The following KCNG3 variants were observed in gnomAD, a reference collection of about 807,000 sequenced individuals.
The protein encoded by KCNG3 is voltage-gated potassium channel regulatory subunit KCNG3.
KCNG3 carries 15 observed loss-of-function variants against 29.0 expected under a neutral mutation model. The ratio of observed to expected loss-of-function variants is 0.52; its 90% CI spans 0.35 to 0.80. The LOEUF is 0.80. Ranked by LOEUF, KCNG3 falls within the 30% of genes least tolerant of loss-of-function variation. The pLI, the probability that KCNG3 is intolerant of heterozygous loss-of-function variation, is 0.01. For missense variants in KCNG3, 512 were observed against 605.7 expected (o/e 0.85, Z 1.62); for synonymous variants, 322 against 248.9 (o/e 1.29, Z -2.76).
intron 1 of KCNG3, chr2:42,463,272 T>A (rs11693504): frequency 2.1e-5 from 5 of 234,162 alleles, no homozygotes; most frequent in Non-Finnish European, 3.4e-5. Context: ...CAGGCTAGGG[T>A]TGTACACTTT....
chr2:42,434,750 G>A, the KCNG3 span, among the ~76,000 whole-genome samples: 1 of 143,058 alleles, frequency 7.0e-6, no homozygotes, highest in Non-Finnish European at 1.5e-5. Context: ...ACAATCTTTT[G>A]TTCTGGCATA....
At chr2:42,478,594 T>C (rs1450092048) in intron 1 of KCNG3, among the ~76,000 whole-genome samples, 1 of 151,984 alleles carries the variant, frequency 6.6e-6, no homozygotes, top group Non-Finnish European at 1.5e-5. Flanking sequence ...GTGGAGGATA[T>C]AAAAACTAAC....
intron 1 of KCNG3, among the ~76,000 whole-genome samples, chr2:42,458,527 T>A (rs1158258312): frequency 6.6e-6 from 1 of 151,776 alleles, no homozygotes; most frequent in Non-Finnish European, 1.5e-5. Context: ...CCTGTCCTGC[T>A]AAGACAGGGG....
rs200511820 is a variant in KCNG3, at chr2:42,493,412, G to A, written c.90C>T (p.Phe30=). The A allele has an allele frequency of 1.1e-3, 1,633 of 1,514,678 alleles. 15 individuals are homozygous for A. In the African/African-American group the frequency reaches 0.018, roughly 16 times the overall value. 93.8% of individuals were successfully genotyped at this position (1,514,678 alleles called of 1,614,324 possible). The change falls in exon 1 of 2, where the codon TTC becomes TTT. Residue 30 remains phenylalanine (F), a synonymous_variant. Coordinates refer to ENST00000306078, the MANE Select transcript of KCNG3 (RefSeq NM_133329.6). The part of the protein sequence containing the change: ...YSLSRELLKD[F]PLRRVSRLHG... ...GCAGCCGGCTCACGCGGCGCAGCGG[G>A]AAGTCCTTCAGCAGCTCCCGGGACA... is the stretch of plus-strand genomic sequence containing the variant.
chr2:42,415,907 A>T, the KCNG3 span, among the ~76,000 whole-genome samples: 78 of 152,314 alleles, frequency 5.1e-4, no homozygotes, highest in African/African-American at 1.8e-3. Flanking sequence ...AGAAGTAGAG[A>T]GTAGAGGCCG....
At chr2:42,487,607 T>C (rs1323489047) in intron 1 of KCNG3, among the ~76,000 whole-genome samples, 1 of 152,168 alleles carries the variant, frequency 6.6e-6, no homozygotes, top group Non-Finnish European at 1.5e-5. Flanking sequence ...ATAGTAAAGA[T>C]CAAATACTTT....
chr2:42,404,717 G>T, the KCNG3 span, among the ~76,000 whole-genome samples: 2 of 152,122 alleles, frequency 1.3e-5, no homozygotes, highest in Non-Finnish European at 2.9e-5. Context: ...AACGGAGGAA[G>T]ACCCCATCTC....
chr2:42,444,859 C>T lies in KCNG3; in HGVS notation c.666-280G>A, dbSNP rs1035954069. On this transcript the variant is annotated intron_variant, in intron 1 of 1. Coordinates refer to ENST00000306078, the MANE Select transcript of KCNG3 (RefSeq NM_133329.6). This position sits in a 1 kb window ranked among gnomAD's most constrained non-coding sequence, Gnocchi z 5.8. ...GGTGAATCGCTTGAGCCCAGGAGTT[C>T]GAGACCAACCTGGGCACCACAGCAA... Among the ~76,000 whole-genome samples the T allele has an allele frequency of 1.3e-5, 2 of 149,822 alleles. No individual in the cohort carries two copies. The highest frequency in any genetic ancestry group is 4.9e-5 in the African/African-American group (2 of 40,584).
intron 1 of KCNG3, among the ~76,000 whole-genome samples, chr2:42,480,369 G>A (rs1673551395): frequency 6.6e-6 from 1 of 152,122 alleles, no homozygotes; most frequent in South Asian, 2.1e-4. Flanking sequence ...GCTAGACACT[G>A]GTAAAGTGTT....
At chr2:42,406,921 T>C in the KCNG3 span, among the ~76,000 whole-genome samples, 1 of 152,048 alleles carries the variant, frequency 6.6e-6, no homozygotes, top group Admixed American at 6.6e-5. Flanking sequence ...TTTTATGGCA[T>C]TGTGATAAGA....
the KCNG3 span, among the ~76,000 whole-genome samples, chr2:42,394,397 T>C: frequency 6.6e-6 from 1 of 152,200 alleles, no homozygotes; most frequent in Non-Finnish European, 1.5e-5. Context: ...CAGGGGAGTT[T>C]TCATCAGCTA....
rs180724516 is a variant in KCNG3, at chr2:42,444,946, G to A, written c.666-367C>T. Among the ~76,000 whole-genome samples, 37 of 151,826 alleles carry A rather than the reference G, an allele frequency of 2.4e-4. No individual in the cohort carries two copies. Among genetic ancestry groups the A allele is most frequent in the African/African-American group, 8.9e-4 (37 of 41,394 alleles). The stretch of plus-strand genomic sequence containing the variant: ...CTGGGCTTGGTGACACACACCTGTA[G>A]TACCACCTACCTGGGAGGCTAAGGT... On this transcript the variant is annotated intron_variant, in intron 1 of 1. Coordinates refer to ENST00000306078, the MANE Select transcript of KCNG3 (RefSeq NM_133329.6). The surrounding 1 kb of genome is among the most constrained non-coding windows in gnomAD (Gnocchi z 5.8).
At chr2:42,395,506 T>C in the KCNG3 span, among the ~76,000 whole-genome samples, 2 of 152,176 alleles carry the variant, frequency 1.3e-5, no homozygotes, top group African/African-American at 4.8e-5. Flanking sequence ...GTGTGCATTT[T>C]TACTGTATTG....
the KCNG3 span, among the ~76,000 whole-genome samples, chr2:42,402,852 G>A: frequency 6.6e-5 from 10 of 152,066 alleles, no homozygotes; most frequent in Non-Finnish European, 1.2e-4. Context: ...TCAGAATTAC[G>A]TTTGAATTGT....
the KCNG3 span, among the ~76,000 whole-genome samples, chr2:42,414,108 TATTATA>T: frequency 2.0e-5 from 3 of 152,216 alleles, no homozygotes; most frequent in African/African-American, 4.8e-5. Context: ...TTGTTGTTGT[TATTATA>T]ATTATTATTT....
At chr2:42,414,287 T>G in the KCNG3 span, among the ~76,000 whole-genome samples, 2 of 152,198 alleles carry the variant, frequency 1.3e-5, no homozygotes, top group Non-Finnish European at 1.5e-5. Context: ...TCCTTGTGTG[T>G]GTTAAAATAT....
At chr2:42,405,143 G>T in the KCNG3 span, among the ~76,000 whole-genome samples, 2 of 152,186 alleles carry the variant, frequency 1.3e-5, no homozygotes. Context: ...GCCCTCGAAG[G>T]AGATGGAAAT....
the KCNG3 span, among the ~76,000 whole-genome samples, chr2:42,426,067 AGTT>A: frequency 6.6e-6 from 1 of 152,314 alleles, no homozygotes; most frequent in African/African-American, 2.4e-5. Context: ...CTTATAACAA[AGTT>A]AATTTTTATA....
At position 42,442,048 on chromosome 2, in the gene KCNG3, G is replaced by A. The variant is rs931069431; in HGVS notation, c.*1886C>T. The A allele has an allele frequency of 6.6e-6, 1 of 152,048 alleles. No homozygotes were observed. Among genetic ancestry groups the A allele is most frequent in the Admixed American group, 6.6e-5 (1 of 15,252 alleles). 9.4% of individuals were successfully genotyped at this position (152,048 alleles called of 1,614,324 possible). On this transcript the variant is annotated 3_prime_UTR_variant, in exon 2 of 2. Coordinates refer to ENST00000306078, the MANE Select transcript of KCNG3 (RefSeq NM_133329.6). The stretch of plus-strand genomic sequence containing the variant: ...GTTATCATATTTTTATTAGTAATAT[G>A]GAGGTGCTATCATCTGCACATTGTT...
Sources: allele counts gnomAD v4.1 joint callset (sites outside exome capture counted in the v4.1 genomes callset), GRCh38; gene constraint gnomAD v4.1.1; non-coding constraint Gnocchi (gnomAD v3.1); transcripts MANE v1.5; gene names NCBI Gene and HGNC (gene_info 2026-07-23, HGNC 2026-07-21).